The following FAAH2 variants were observed in gnomAD, a reference collection of about 807,000 sequenced individuals.
FAAH2 encodes the protein fatty acid amide hydrolase 2, also known as fatty-acid amide hydrolase 2.
In FAAH2, 60 loss-of-function variants were observed where a neutral mutation model predicts 36.9. The observed-to-expected ratio is 1.63, with a 90% CI of 1.32 to 2.02. The LOEUF is 2.02. FAAH2 is among the 30% of genes most tolerant of loss of function. The pLI, the probability that FAAH2 is intolerant of heterozygous loss-of-function variation, is 0.00. For synonymous variants in FAAH2, 214 were observed against 143.8 expected (o/e 1.49, Z -3.49); for missense variants, 689 against 397.5 (o/e 1.73, Z -6.23).
At chrX:57,137,725 C>T in the FAAH2 span, 2 of 111,345 alleles carry the variant, frequency 1.8e-5, no homozygotes, top group African/African-American at 6.5e-5. Flanking sequence ...TAGCCCCTCC[C>T]CTCAGCTCTC....
chrX:57,310,398 T>A (rs1420726173), intron 2 of FAAH2, among the ~76,000 whole-genome samples, 195 bp from the exon 3 acceptor site: 4 of 111,772 alleles, frequency 3.6e-5, no homozygotes, highest in Non-Finnish European at 7.5e-5. Flanking sequence ...TCTTACTAGG[T>A]TGGATTACTG....
intron 8 of FAAH2, among the ~76,000 whole-genome samples, chrX:57,439,083 G>C (rs1350437416): frequency 4.5e-5 from 5 of 110,909 alleles, no homozygotes; most frequent in Non-Finnish European, 9.4e-5. Flanking sequence ...TGTCTTTATA[G>C]TAGCATGATT....
the FAAH2 span, among the ~76,000 whole-genome samples, chrX:57,230,303 G>A: frequency 8.9e-6 from 1 of 112,150 alleles, no homozygotes; most frequent in African/African-American, 3.2e-5. Context: ...AAAATGAAGT[G>A]TTTGTGGACT....
the FAAH2 span, among the ~76,000 whole-genome samples, chrX:57,122,726 A>C: frequency 2.7e-5 from 3 of 112,267 alleles, no homozygotes; most frequent in Admixed American, 1.9e-4. Flanking sequence ...TATCTTTCTT[A>C]TTCAGATACT....
the FAAH2 span, among the ~76,000 whole-genome samples, chrX:57,226,678 G>T: frequency 8.9e-6 from 1 of 111,867 alleles, no homozygotes; most frequent in Non-Finnish European, 1.9e-5. Flanking sequence ...TGTGCTTCTT[G>T]TATTTGCATG....
intron 10 of FAAH2, among the ~76,000 whole-genome samples, chrX:57,450,538 A>G (rs978664839): frequency 8.9e-6 from 1 of 112,068 alleles, no homozygotes; most frequent in Non-Finnish European, 1.9e-5. Context: ...AGCTGAAAAT[A>G]TAAGAGGTTT....
At chrX:57,404,486 C>T (rs974962288) in intron 7 of FAAH2, among the ~76,000 whole-genome samples, 8 of 111,481 alleles carry the variant, frequency 7.2e-5, no homozygotes, top group Non-Finnish European at 1.3e-4. Context: ...TGTTAAAGTA[C>T]TGGGTTATCA....
chrX:57,171,513 A>T, the FAAH2 span, among the ~76,000 whole-genome samples: 4 of 111,585 alleles, frequency 3.6e-5, no homozygotes, highest in Admixed American at 3.8e-4. Context: ...ATGATTAGTG[A>T]TGATGAACAT....
chrX:57,167,155 G>A, the FAAH2 span, among the ~76,000 whole-genome samples: 1 of 111,393 alleles, frequency 9.0e-6, no homozygotes, highest in African/African-American at 3.3e-5. Flanking sequence ...CTTTGCAAAC[G>A]TCTCTAGTTT....
At chrX:57,206,442 T>A in the FAAH2 span, among the ~76,000 whole-genome samples, 1 of 111,859 alleles carries the variant, frequency 8.9e-6, no homozygotes, top group African/African-American at 3.2e-5. Flanking sequence ...TTGCAAGTGA[T>A]CATAACATTG....
At chrX:57,377,158 C>T (rs1197564471) in intron 5 of FAAH2, among the ~76,000 whole-genome samples, 5 of 112,025 alleles carry the variant, frequency 4.5e-5, no homozygotes, top group Admixed American at 9.4e-5. Context: ...TAATTAGATC[C>T]CATTTGTCAA....
At chrX:57,323,786 A>G (rs1484886180) in intron 3 of FAAH2, among the ~76,000 whole-genome samples, 4 of 97,295 alleles carry the variant, frequency 4.1e-5, no homozygotes, top group Admixed American at 1.3e-4. Context: ...CCCATTTTGT[A>G]GGTTGCCTGT....
At chrX:57,136,756 C>T in the FAAH2 span, 1 of 282,382 alleles carries the variant, frequency 3.5e-6, no homozygotes, top group Non-Finnish European at 6.5e-6. Flanking sequence ...GCCCGCAGTG[C>T]TCTCCCTCTT....
At chrX:57,137,355 A>G in the FAAH2 span, 1 of 755,799 alleles carries the variant, frequency 1.3e-6, no homozygotes. Context: ...TAGGATCCAT[A>G]GATGAGGAGC....
At chrX:57,285,286 C>G (rs1332288781), upstream of FAAH2, among the ~76,000 whole-genome samples, 1 of 111,856 alleles carries the variant, frequency 8.9e-6, no homozygotes, top group East Asian at 2.8e-4. Context: ...ATTTCACCTA[C>G]CCAAGACCTT....
chrX:57,378,398 G>C (rs2054743247), intron 5 of FAAH2, among the ~76,000 whole-genome samples: 1 of 111,056 alleles, frequency 9.0e-6, no homozygotes, highest in Non-Finnish European at 1.9e-5. Context: ...TAGGGACCCT[G>C]TTTCCATCAG....
chrX:57,245,113 C>G, the FAAH2 span, among the ~76,000 whole-genome samples: 2 of 111,226 alleles, frequency 1.8e-5, no homozygotes, highest in Non-Finnish European at 3.8e-5. Flanking sequence ...TTTAAACCAA[C>G]AAAGATCAAA....
chrX:57,219,359 C>G, the FAAH2 span, among the ~76,000 whole-genome samples: 1 of 111,627 alleles, frequency 9.0e-6, no homozygotes, highest in African/African-American at 3.3e-5. Context: ...GGGCTCAGGT[C>G]TGCATCCCCC....
At chrX:57,397,792 G>A (rs763852011) in intron 7 of FAAH2, among the ~76,000 whole-genome samples, 1 of 109,665 alleles carries the variant, frequency 9.1e-6, no homozygotes, top group South Asian at 4.0e-4. Context: ...CCTTGTTGGG[G>A]TGCTGCACCC....
Sources: allele counts gnomAD v4.1 joint callset (sites outside exome capture counted in the v4.1 genomes callset), GRCh38; gene constraint gnomAD v4.1.1; transcripts MANE v1.5; gene names NCBI Gene and HGNC (gene_info 2026-07-23, HGNC 2026-07-21).